The following SLIT3 variants were observed in gnomAD, a reference collection of about 807,000 sequenced individuals.
SLIT3 encodes slit homolog 3 protein.
A neutral mutation model predicts 184.0 loss-of-function variants in SLIT3; 68 were observed. That is an observed-to-expected ratio of 0.37 (90% CI 0.30 to 0.45). SLIT3 has a LOEUF of 0.45. Among genes scored for constraint, SLIT3 ranks in the 20% least tolerant of loss-of-function variants. SLIT3 has a pLI of 1.00. For synonymous variants in SLIT3, 831 were observed against 828.6 expected (o/e 1.00, Z -0.05); for missense variants, 1,707 against 2,026.0 (o/e 0.84, Z 3.02).
chr5:168,882,940 C>CA (rs1760011285), intron 5 of SLIT3, among the ~76,000 whole-genome samples: 1 of 152,206 alleles, frequency 6.6e-6, no homozygotes, highest in African/African-American at 2.4e-5. Flanking sequence ...AACATGCCCA[C>CA]AAGGTTACCA....
intron 8 of SLIT3, among the ~76,000 whole-genome samples, chr5:168,810,534 C>T (rs1757125923): frequency 6.6e-6 from 1 of 152,214 alleles, no homozygotes. Flanking sequence ...CACTAAAATG[C>T]TGCTCTGCTG....
intron 4 of SLIT3, among the ~76,000 whole-genome samples, chr5:168,905,631 A>G (rs1761023909): frequency 6.6e-6 from 1 of 152,218 alleles, no homozygotes; most frequent in South Asian, 2.1e-4. Flanking sequence ...CTGGTTTTAC[A>G]TATATAGACA....
intron 9 of SLIT3, 106 bp downstream of exon 9, chr5:168,806,340 C>G: frequency 8.1e-7 from 1 of 1,241,648 alleles, no homozygotes; most frequent in Non-Finnish European, 1.2e-6. Context: ...TTTTAATGGT[C>G]AGCTCCAGCA....
chr5:168,947,023 C>T (rs1366805024), intron 4 of SLIT3, among the ~76,000 whole-genome samples: 1 of 152,176 alleles, frequency 6.6e-6, no homozygotes, highest in Admixed American at 6.5e-5. Context: ...ATGTCTCACA[C>T]TAGCATTTTC....
At chr5:169,169,592 A>T (rs750571455) in intron 4 of SLIT3, among the ~76,000 whole-genome samples, 4 of 152,232 alleles carry the variant, frequency 2.6e-5, no homozygotes, top group African/African-American at 4.8e-5. Context: ...CGAAAATTAG[A>T]GAGGGGATCC....
chr5:169,153,398 A>G (rs1394971055), intron 4 of SLIT3, among the ~76,000 whole-genome samples: 1 of 152,252 alleles, frequency 6.6e-6, no homozygotes, highest in Non-Finnish European at 1.5e-5. Context: ...GGCAGCTTTC[A>G]GGTGCTTTTG....
intron 14 of SLIT3, among the ~76,000 whole-genome samples, chr5:168,765,524 T>A (rs1242969712): frequency 6.6e-6 from 1 of 152,152 alleles, no homozygotes; most frequent in Non-Finnish European, 1.5e-5. Flanking sequence ...CGAAATGCCA[T>A]CTCCATCACT....
intron 4 of SLIT3, among the ~76,000 whole-genome samples, chr5:168,979,147 C>T (rs1007595218): frequency 4.5e-4 from 69 of 152,202 alleles, no homozygotes; most frequent in Admixed American, 3.7e-3. Context: ...CTCCTCTTTC[C>T]GCACAGCCCC....
At chr5:169,027,548 G>A in intron 4 of SLIT3, among the ~76,000 whole-genome samples, 1 of 152,118 alleles carries the variant, frequency 6.6e-6, no homozygotes, top group East Asian at 1.9e-4. Context: ...CAAATGACTT[G>A]CTCCACTCCA....
intron 4 of SLIT3, among the ~76,000 whole-genome samples, chr5:169,095,713 T>C (rs187241877): frequency 1.3e-5 from 2 of 152,304 alleles, no homozygotes; most frequent in East Asian, 1.9e-4. Context: ...CAATGGGCCA[T>C]ACCAATCTGT....
intron 4 of SLIT3, among the ~76,000 whole-genome samples, chr5:168,972,521 C>T (rs1342758861): frequency 6.6e-6 from 1 of 152,058 alleles, no homozygotes; most frequent in Middle Eastern, 3.2e-3. Context: ...AGTTTCCCCA[C>T]TTGTCAACTG....
rs2113501396 is a variant in SLIT3, at chr5:168,760,881, A to G, written c.1666T>C (p.Leu556=). 6 of 1,613,778 alleles carry G rather than the reference A, an allele frequency of 3.7e-6. No individual in the cohort carries two copies. The East Asian group carries it at 1.3e-4, about 36-fold the overall frequency. ...ACTTACATTTTCCGCAGGTTGGGCA[A>G]CTTCTTGAAGATGCCAGTGGCCTCC... ...VLEATGIFKK[L]PNLRKINLSN... The change falls in exon 16 of 36, where the codon TTG becomes CTG. Residue 556 remains leucine (L), a synonymous_variant. Coordinates refer to ENST00000519560, the MANE Select transcript of SLIT3 (RefSeq NM_003062.4).
At position 169,257,533 on chromosome 5, in the gene SLIT3, C is replaced by CTTTTTTTTTTT. The variant is rs1157258489; in HGVS notation, c.198-6085_198-6075dup. The stretch of plus-strand genomic sequence containing the variant: ...TTGATACAATAGCTTTCTATGCCTC[C>CTTTTTTTTTTT]TTTTTTTTTTTTTTTTTTTTTTTTT... On this transcript the variant is annotated intron_variant, in intron 1 of 35. Transcript: ENST00000519560. 3.7e-5 allele frequency among the ~76,000 whole-genome samples: 3 copies of CTTTTTTTTTTT among 80,908 alleles called. 1 individual carries two copies. Among genetic ancestry groups the CTTTTTTTTTTT allele is most frequent in the African/African-American group, 1.2e-4 (2 of 17,322 alleles). The allele number at this position is 80,908 out of a possible 152,430, so 53.1% of individuals were successfully genotyped here. A position where few individuals can be genotyped will look rare whatever the true frequency, so the allele number is the denominator to read the frequency against.
At chr5:169,188,824 A>G (rs1763446793) in intron 4 of SLIT3, among the ~76,000 whole-genome samples, 1 of 152,190 alleles carries the variant, frequency 6.6e-6, no homozygotes, top group African/African-American at 2.4e-5. Flanking sequence ...ACTGATAAGA[A>G]CCTGAGACAA....
chr5:169,249,465 T>A (rs1240297908), intron 2 of SLIT3, among the ~76,000 whole-genome samples: 1 of 152,220 alleles, frequency 6.6e-6, no homozygotes, highest in Non-Finnish European at 1.5e-5. Flanking sequence ...AGAAAGCAGA[T>A]ATGAAAATTG....
At chr5:169,057,850 C>G (rs573946382) in intron 4 of SLIT3, among the ~76,000 whole-genome samples, 1 of 152,330 alleles carries the variant, frequency 6.6e-6, no homozygotes, top group African/African-American at 2.4e-5. Context: ...CCCTGAAATG[C>G]TGAGCATTCA....
chr5:169,238,505 A>G (rs563813623), intron 3 of SLIT3, among the ~76,000 whole-genome samples: 88 of 149,268 alleles, frequency 5.9e-4, no homozygotes, highest in Middle Eastern at 3.5e-3. Flanking sequence ...TAAGTGAAAT[A>G]AATTTCCCTG....
intron 32 of SLIT3, among the ~76,000 whole-genome samples, chr5:168,683,283 T>G (rs1177455442): frequency 6.6e-6 from 1 of 151,498 alleles, no homozygotes; most frequent in East Asian, 1.9e-4. Flanking sequence ...GGCGGGAGAA[T>G]TGCTTGAATC....
intron 12 of SLIT3, among the ~76,000 whole-genome samples, chr5:168,780,627 G>A (rs1396681402): frequency 1.3e-5 from 2 of 152,208 alleles, no homozygotes; most frequent in Admixed American, 1.3e-4. Context: ...GCTTAGTGAA[G>A]ACACCAACTA....
Sources: gnomAD v4.1 joint callset for allele counts (sites outside exome capture counted in the v4.1 genomes callset) on GRCh38, gnomAD v4.1.1 for gene constraint, MANE v1.5 for transcripts, NCBI Gene and HGNC (gene_info 2026-07-23, HGNC 2026-07-21) for gene names.